Variants in ESRRG observed in about 807,000 individuals in gnomAD.
The protein encoded by ESRRG is estrogen related receptor gamma.
In ESRRG, 13 loss-of-function variants were observed where a neutral mutation model predicts 44.0. That is an observed-to-expected ratio of 0.30 (90% confidence interval 0.19 to 0.47). The LOEUF is 0.47. Ranked by LOEUF, ESRRG falls within the 20% of genes least tolerant of loss-of-function variation. The pLI is 1.00. For missense variants in ESRRG, 395 were observed against 580.6 expected (o/e 0.68, Z 3.29); for synonymous variants, 215 against 214.6 (o/e 1.00, Z -0.02).
At chr1:217,032,976 G>A (rs1006088845) in intron 1 of ESRRG, among the ~76,000 whole-genome samples, 2 of 152,150 alleles carry the variant, frequency 1.3e-5, no homozygotes, top group Admixed American at 6.5e-5. Context: ...GTCCCCTGTG[G>A]CCACGTGCCT....
intron 1 of ESRRG, among the ~76,000 whole-genome samples, chr1:217,126,383 G>A (rs2092890202): frequency 1.3e-5 from 2 of 152,240 alleles, no homozygotes; most frequent in East Asian, 3.9e-4. Flanking sequence ...ATCACGCCAA[G>A]TGGTACAGTG....
At chr1:217,105,236 C>T (rs760634969) in intron 1 of ESRRG, among the ~76,000 whole-genome samples, 2 of 152,120 alleles carry the variant, frequency 1.3e-5, no homozygotes, top group African/African-American at 2.4e-5. Context: ...GTATCAAATC[C>T]CCATTTAGCT....
At chr1:216,792,856 A>T (rs1178204636) in intron 2 of ESRRG, among the ~76,000 whole-genome samples, 1 of 152,164 alleles carries the variant, frequency 6.6e-6, no homozygotes, top group Non-Finnish European at 1.5e-5. Context: ...CATTCAATAT[A>T]GCTTTTCATG....
At chr1:216,699,058 G>A (rs1347267678) in intron 1 of ESRRG, among the ~76,000 whole-genome samples, 2 of 152,142 alleles carry the variant, frequency 1.3e-5, no homozygotes, top group Non-Finnish European at 2.9e-5. Context: ...TCGCCAGCAC[G>A]TACATAAGGT....
intron 2 of ESRRG, among the ~76,000 whole-genome samples, chr1:216,905,690 A>G (rs950049478): frequency 2.6e-5 from 4 of 152,204 alleles, no homozygotes; most frequent in Non-Finnish European, 5.9e-5. Context: ...AAAACTATTT[A>G]TTAAAGGAAA....
intron 1 of ESRRG, among the ~76,000 whole-genome samples, chr1:217,136,378 T>C (rs1027808418): frequency 6.6e-6 from 1 of 152,212 alleles, no homozygotes; most frequent in African/African-American, 2.4e-5. Flanking sequence ...CAGATTTCCT[T>C]TCCCAGAAGC....
chr1:216,601,912 C>G (rs1047888540), intron 3 of ESRRG, among the ~76,000 whole-genome samples: 5 of 152,168 alleles, frequency 3.3e-5, no homozygotes, highest in African/African-American at 1.2e-4. Context: ...GAAATCCATT[C>G]AAAGCCCTAC....
At chr1:217,135,360 C>A (rs2093033851) in intron 1 of ESRRG, among the ~76,000 whole-genome samples, 1 of 152,118 alleles carries the variant, frequency 6.6e-6, no homozygotes, top group South Asian at 2.1e-4. Context: ...GCAAACTCAG[C>A]TGGAAGTTGA....
At chr1:216,613,465 A>C (rs1189423280) in intron 3 of ESRRG, among the ~76,000 whole-genome samples, 5 of 152,222 alleles carry the variant, frequency 3.3e-5, no homozygotes, top group Admixed American at 6.5e-5. Flanking sequence ...CTTTATTTAT[A>C]AAAATACATT....
At chr1:216,989,976 A>G (rs1254966329) in intron 1 of ESRRG, among the ~76,000 whole-genome samples, 1 of 152,150 alleles carries the variant, frequency 6.6e-6, no homozygotes, top group Non-Finnish European at 1.5e-5. Context: ...GCTTTTTATA[A>G]TGTGTCTTAG....
intron 2 of ESRRG, among the ~76,000 whole-genome samples, chr1:216,773,715 G>T (rs2093476208): frequency 6.6e-6 from 1 of 152,090 alleles, no homozygotes; most frequent in African/African-American, 2.4e-5. Context: ...TGGATCTTTT[G>T]AGAAAGCAGC....
chr1:216,566,657 A>G (rs1347410525), intron 4 of ESRRG, among the ~76,000 whole-genome samples: 2 of 152,186 alleles, frequency 1.3e-5, no homozygotes, highest in Non-Finnish European at 1.5e-5. Context: ...GAAATTAAGC[A>G]TTAGTGTTTA....
chr1:216,664,747 A>G (rs962731958), intron 2 of ESRRG, among the ~76,000 whole-genome samples: 7 of 151,736 alleles, frequency 4.6e-5, no homozygotes, highest in African/African-American at 1.7e-4. Flanking sequence ...CGAAGAAATT[A>G]GAACACTTGT....
chr1:216,646,495 G>T (rs959118694), intron 3 of ESRRG, among the ~76,000 whole-genome samples: 1 of 152,100 alleles, frequency 6.6e-6, no homozygotes, highest in Non-Finnish European at 1.5e-5. Context: ...TCTTAGAGAA[G>T]TTCTTTAACT....
Position 216,859,821 on chromosome 1 carries a change from T to C in ESRRG, c.-14+79761A>G, listed in dbSNP as rs2813682. Among the ~76,000 whole-genome samples, 1,200 of 152,110 alleles carry C rather than the reference T, an allele frequency of 7.9e-3. 15 individuals carry two copies. The highest frequency in any genetic ancestry group is 0.028 in the African/African-American group (1,147 of 41,480). Reference sequence around the variant, plus strand: ...AGGATATTAACAGAAATACAAAATATCCAACATATGAGAAGATAGAATTCT... The same window carrying C: ...AGGATATTAACAGAAATACAAAATACCCAACATATGAGAAGATAGAATTCT... On this transcript the variant is annotated intron_variant, in intron 2 of 7. Transcript: ENST00000359162.
At chr1:217,098,518 C>T in intron 1 of ESRRG, among the ~76,000 whole-genome samples, 1 of 152,126 alleles carries the variant, frequency 6.6e-6, no homozygotes, top group East Asian at 1.9e-4. Context: ...TGCTCTTTTC[C>T]TGGAGCCCCT....
At chr1:216,697,145 T>C (rs1278521319) in intron 1 of ESRRG, among the ~76,000 whole-genome samples, 2 of 152,062 alleles carry the variant, frequency 1.3e-5, no homozygotes, top group African/African-American at 4.8e-5. Context: ...TTTGTATTTT[T>C]AGTAGAGACA....
intron 1 of ESRRG, among the ~76,000 whole-genome samples, chr1:217,104,038 T>C (rs1297220538): frequency 6.6e-6 from 1 of 152,200 alleles, no homozygotes; most frequent in Non-Finnish European, 1.5e-5. Context: ...TGATAACACA[T>C]AAAGATACGT....
intron 1 of ESRRG, among the ~76,000 whole-genome samples, chr1:216,980,274 C>T (rs867410721): frequency 6.6e-6 from 1 of 152,172 alleles, no homozygotes; most frequent in African/African-American, 2.4e-5. Flanking sequence ...CTGATACTTG[C>T]TCAAACACAA....
Sources: gnomAD v4.1 joint callset for allele counts (sites outside exome capture counted in the v4.1 genomes callset) on GRCh38, gnomAD v4.1.1 for gene constraint, MANE v1.5 for transcripts, NCBI Gene and HGNC (gene_info 2026-07-23, HGNC 2026-07-21) for gene names.